The following CCDC82 variants were observed in gnomAD, a reference collection of about 807,000 sequenced individuals.
The protein encoded by CCDC82 is coiled-coil domain containing 82.
In CCDC82, 47 loss-of-function variants were observed where a neutral mutation model predicts 60.6. The observed-to-expected ratio is 0.77, with a 90% confidence interval of 0.61 to 0.99. The LOEUF (loss-of-function observed/expected upper bound fraction) is 0.99, where lower values mean the gene tolerates loss of function less well. Among genes scored for constraint, CCDC82 ranks in the 50% least tolerant of loss-of-function variants. CCDC82 has a pLI of 0.00. For missense variants in CCDC82, 588 were observed against 633.0 expected (o/e 0.93, Z 0.76); for synonymous variants, 212 against 207.4 (o/e 1.02, Z -0.19).
chr11:96,365,242 A>G lies in CCDC82; in HGVS notation c.1210-92T>C. 6 of 796,448 alleles carry G rather than the reference A, an allele frequency of 7.5e-6. No individual in the cohort carries two copies. In the South Asian group the frequency reaches 1.0e-4, roughly 13 times the overall value. The allele number at this position is 796,448 out of a possible 1,614,324, so 49.3% of individuals were successfully genotyped here. Reference sequence around the variant, plus strand: ...CAATTAAAACATCTTAGGGATTACAATACAAAGAGATATAAGAGCAAAACA... The same window carrying G: ...CAATTAAAACATCTTAGGGATTACAGTACAAAGAGATATAAGAGCAAAACA... On this transcript the variant is annotated intron_variant, in intron 7 of 9. Transcript: ENST00000646818.
chr11:96,357,216 A>G, intron 9 of CCDC82: 1 of 985,430 alleles, frequency 1.0e-6, no homozygotes, highest in Non-Finnish European at 1.2e-6. Flanking sequence ...ATGGGTTTAT[A>G]TTGGCTATAA....
intron 5 of CCDC82, among the ~76,000 whole-genome samples, chr11:96,375,194 A>C (rs548431809): frequency 6.6e-6 from 1 of 152,306 alleles, no homozygotes; most frequent in African/African-American, 2.4e-5. Context: ...CCTAAGTTTA[A>C]CTATCATACA....
chr11:96,367,194 T>C (rs959981692), intron 7 of CCDC82, among the ~76,000 whole-genome samples: 4 of 152,234 alleles, frequency 2.6e-5, no homozygotes, highest in Admixed American at 2.0e-4. Flanking sequence ...ATAAAGTTTG[T>C]TGCATCCATT....
At chr11:96,376,277 A>C (rs954617679) in intron 5 of CCDC82, among the ~76,000 whole-genome samples, 1 of 152,150 alleles carries the variant, frequency 6.6e-6, no homozygotes, top group African/African-American at 2.4e-5. Context: ...ATTGTTTTGC[A>C]AAGTTTAACC....
At chr11:96,385,563 A>G (rs999776369) in intron 3 of CCDC82, 1 of 152,212 alleles carries the variant, frequency 6.6e-6, no homozygotes, top group African/African-American at 2.4e-5. Flanking sequence ...TAGCCTCTTT[A>G]TACCTTAGTA....
At chr11:96,362,480 A>C (rs1302873101) in intron 8 of CCDC82, among the ~76,000 whole-genome samples, 1 of 152,176 alleles carries the variant, frequency 6.6e-6, no homozygotes, top group African/African-American at 2.4e-5. Flanking sequence ...TGCCTCAAAA[A>C]TTATTGCTTC....
At position 96,352,799 on chromosome 11, in the gene CCDC82, T is replaced by C. The variant is rs1864152472; in HGVS notation, c.*847A>G. 6.6e-6 allele frequency: 1 copy of C among 152,216 alleles called. No homozygotes were observed. Among genetic ancestry groups the C allele is most frequent in the Non-Finnish European group, 1.5e-5 (1 of 68,024 alleles). 9.4% of individuals were successfully genotyped at this position (152,216 alleles called of 1,614,324 possible). A position where few individuals can be genotyped will look rare whatever the true frequency, so the allele number is the denominator to read the frequency against. Reference sequence around the variant, plus strand: ...TCACTCTGCAACCATTTTACTTTATTACTTTATGGGAAAATTTAGATATGC... The same window carrying C: ...TCACTCTGCAACCATTTTACTTTATCACTTTATGGGAAAATTTAGATATGC... On this transcript the variant is annotated 3_prime_UTR_variant, in exon 10 of 10. Transcript: ENST00000646818.
intron 5 of CCDC82, among the ~76,000 whole-genome samples, chr11:96,375,463 A>T (rs1177570232): frequency 6.6e-6 from 1 of 152,184 alleles, no homozygotes; most frequent in Non-Finnish European, 1.5e-5. Context: ...GCTTGAGTAG[A>T]CTGGTGGGTG....
chr11:96,376,093 T>C (rs1487446450), intron 5 of CCDC82, among the ~76,000 whole-genome samples: 1 of 152,248 alleles, frequency 6.6e-6, no homozygotes, highest in Non-Finnish European at 1.5e-5. Flanking sequence ...TTTGTGTTTA[T>C]GCATAACTTA....
At position 96,383,417 on chromosome 11, in the gene CCDC82, C is replaced by T. The variant is rs753453198; in HGVS notation, c.843G>A (p.Glu281=). The T allele has an allele frequency of 1.9e-6, 3 of 1,602,820 alleles. No individual in the cohort carries two copies. The highest frequency in any genetic ancestry group is 2.2e-5 in the South Asian group (2 of 90,222). ...CATCTTCATCAGATTCATAATTATCCTCTTCTTCCTCCTCATCAACTTCAT... is the reference window on the plus strand; with the variant it reads ...CATCTTCATCAGATTCATAATTATCTTCTTCTTCCTCCTCATCAACTTCAT... The part of the protein sequence containing the change: ...SSDEVDEEEE[E]DNYESDEDGD... The change falls in exon 5 of 10, where the codon GAG becomes GAA. Residue 281 remains glutamate (E), a synonymous_variant. Transcript: ENST00000646818.
chr11:96,374,507 TA>T (rs1249654139), intron 5 of CCDC82, among the ~76,000 whole-genome samples: 1 of 152,162 alleles, frequency 6.6e-6, no homozygotes, highest in Non-Finnish European at 1.5e-5. Flanking sequence ...AAAGTAATAC[TA>T]AAAATAAATG....
chr11:96,383,218 T>G, intron 5 of CCDC82, 51 bp downstream of exon 5: 2 of 1,071,636 alleles, frequency 1.9e-6, no homozygotes, highest in Non-Finnish European at 2.9e-6. Context: ...TGATACTTGA[T>G]AAAATATCAT....
intron 5 of CCDC82, chr11:96,381,470 T>C (rs1296915975): frequency 1.3e-5 from 2 of 151,694 alleles, no homozygotes; most frequent in Admixed American, 1.3e-4. Context: ...TTTTAGTCAA[T>C]ATGGCCTTTT....
intron 5 of CCDC82, among the ~76,000 whole-genome samples, chr11:96,375,604 T>C (rs1487550637): frequency 6.6e-6 from 1 of 152,204 alleles, no homozygotes; most frequent in Non-Finnish European, 1.5e-5. Flanking sequence ...GATACTACCA[T>C]TATCCTAGAT....
chr11:96,353,822 T>A (rs1864209586), intron 9 of CCDC82, 108 bp from the exon 10 acceptor site: 1 of 694,124 alleles, frequency 1.4e-6, no homozygotes, highest in Non-Finnish European at 2.4e-6. Flanking sequence ...ATGGTAATCG[T>A]GAACAAAAAT....
At chr11:96,374,963 T>C (rs901622197) in intron 5 of CCDC82, among the ~76,000 whole-genome samples, 3 of 151,726 alleles carry the variant, frequency 2.0e-5, no homozygotes, top group African/African-American at 7.3e-5. Flanking sequence ...TTGGGGGACA[T>C]GCAAACATTC....
At chr11:96,382,335 A>G (rs1050504679) in intron 5 of CCDC82, 1 of 151,916 alleles carries the variant, frequency 6.6e-6, no homozygotes, top group Non-Finnish European at 1.5e-5. Flanking sequence ...AAAACAATCA[A>G]GTTTTAAAGC....
At chr11:96,365,184 G>C (rs896820781) in intron 7 of CCDC82, 34 bp from the exon 8 acceptor site, 1 of 1,334,558 alleles carries the variant, frequency 7.5e-7, no homozygotes, top group South Asian at 1.5e-5. Context: ...AAGTTTAAAA[G>C]ATAAAGAATA....
chr11:96,354,789 T>G (rs1039295404), intron 9 of CCDC82: 5 of 152,158 alleles, frequency 3.3e-5, no homozygotes, highest in African/African-American at 1.2e-4. Flanking sequence ...GAGTTCAAAG[T>G]ATTTATTTCA....
Sources: gnomAD v4.1 joint callset for allele counts (sites outside exome capture counted in the v4.1 genomes callset) on GRCh38, gnomAD v4.1.1 for gene constraint, MANE v1.5 for transcripts, NCBI Gene and HGNC (gene_info 2026-07-23, HGNC 2026-07-21) for gene names.